The following PNPLA8 variants were observed in gnomAD, a reference collection of about 807,000 sequenced individuals.
PNPLA8 encodes the protein patatin like domain 8, phospholipase A2.
In PNPLA8, 39 loss-of-function variants were observed where a neutral mutation model predicts 76.9. The ratio of observed to expected loss-of-function variants is 0.51; its 90% CI spans 0.39 to 0.66. The LOEUF is 0.66. PNPLA8 is among the 30% of genes least tolerant of loss of function. The pLI is 0.00. For missense variants in PNPLA8, 887 were observed against 918.0 expected, an observed-to-expected ratio of 0.97 and a Z score of 0.44; for synonymous variants, 301 against 307.9, an observed-to-expected ratio of 0.98 and a Z score of 0.24.
chr7:108,474,785 TTA>T (rs1446413961), intron 10 of PNPLA8, among the ~76,000 whole-genome samples: 1 of 152,232 alleles, frequency 6.6e-6, no homozygotes, highest in African/African-American at 2.4e-5. Context: ...TACCATTGAT[TTA>T]TATGTCTATC....
At chr7:108,493,681 A>C (rs1239060873) in intron 7 of PNPLA8, among the ~76,000 whole-genome samples, 4 of 151,370 alleles carry the variant, frequency 2.6e-5, no homozygotes, top group Non-Finnish European at 4.4e-5. Flanking sequence ...GAAAATAAGT[A>C]ACATACAATG....
At chr7:108,497,422 C>T (rs777332505) in intron 6 of PNPLA8, 61 bp downstream of exon 6, 24 of 1,112,580 alleles carry the variant, frequency 2.2e-5, no homozygotes, top group Non-Finnish European at 3.2e-5. Context: ...AACATAAGTG[C>T]TTAATGTTCT....
chr7:108,520,793 CT>C (rs1863679836), intron 2 of PNPLA8, among the ~76,000 whole-genome samples: 1 of 151,950 alleles, frequency 6.6e-6, no homozygotes, highest in African/African-American at 2.4e-5. Flanking sequence ...AGAAAAATAA[CT>C]GTGTGAGGTA....
rs1300376049 is a variant in PNPLA8, at chr7:108,510,699, G to A, written c.1206+3445C>T. 2.5e-6 allele frequency: 4 copies of A among 1,599,916 alleles called. 1 individual carries two copies. Among genetic ancestry groups the A allele is most frequent in the Non-Finnish European group, 3.4e-6 (4 of 1,179,272 alleles). The stretch of plus-strand genomic sequence containing the variant: ...TCAGTAAATGAACTAATCTACAAGA[G>A]TGGTTATGGCAAAATCAATAAGAAG... On this transcript the variant is annotated intron_variant, in intron 4 of 10. Coordinates refer to ENST00000257694, the MANE Select transcript of PNPLA8 (RefSeq NM_001256007.3).
intron 7 of PNPLA8, among the ~76,000 whole-genome samples, chr7:108,491,905 G>GT (rs1224803144): frequency 6.6e-6 from 1 of 152,224 alleles, no homozygotes; most frequent in Non-Finnish European, 1.5e-5. Context: ...GCACGGGCTA[G>GT]TTAGAGTAAC....
chr7:108,502,020 A>G (rs964071290), intron 5 of PNPLA8, among the ~76,000 whole-genome samples: 3 of 152,166 alleles, frequency 2.0e-5, no homozygotes, highest in African/African-American at 7.2e-5. Context: ...AGTATATGTC[A>G]GAGTAGCACT....
chr7:108,485,066 G>A (rs6466240), intron 9 of PNPLA8, among the ~76,000 whole-genome samples: 99,975 of 152,064 alleles, frequency 0.66, 33,625 homozygotes, highest in African/African-American at 0.81. Context: ...AAAAACTTTT[G>A]TGATGTAAAT....
Position 108,515,522 on chromosome 7 carries a change from T to C in PNPLA8, c.-31A>G. 8 of 1,360,850 alleles carry C rather than the reference T, an allele frequency of 5.9e-6. No individual in the cohort carries two copies. The highest frequency in any genetic ancestry group is 7.6e-6 in the Non-Finnish European group (8 of 1,051,392). The allele number at this position is 1,360,850 out of a possible 1,614,324, so 84.3% of individuals were successfully genotyped here. On this transcript the variant is annotated 5_prime_UTR_variant, in exon 3 of 11. Coordinates refer to ENST00000257694, the MANE Select transcript of PNPLA8 (RefSeq NM_001256007.3). Reference sequence around the variant, plus strand: ...AAAAATCATTTATTTTCTATGACATTCTCTCACTTCTTGAACGCTTCATTT... The same window carrying C: ...AAAAATCATTTATTTTCTATGACATCCTCTCACTTCTTGAACGCTTCATTT...
At chr7:108,521,720 T>C (rs1863750184) in intron 1 of PNPLA8, among the ~76,000 whole-genome samples, 199 bp from the exon 2 acceptor site, 1 of 152,032 alleles carries the variant, frequency 6.6e-6, no homozygotes, top group Non-Finnish European at 1.5e-5. Flanking sequence ...GAAAAAAGCA[T>C]TCTAGTCAGA....
chr7:108,504,457 A>T (rs967588274), intron 4 of PNPLA8, among the ~76,000 whole-genome samples: 7 of 152,228 alleles, frequency 4.6e-5, no homozygotes, highest in African/African-American at 1.7e-4. Context: ...GAAAATTTTT[A>T]AAACACAGGA....
At chr7:108,503,413 C>G (rs1486620295) in intron 4 of PNPLA8, among the ~76,000 whole-genome samples, 1 of 152,128 alleles carries the variant, frequency 6.6e-6, no homozygotes, top group African/African-American at 2.4e-5. Context: ...CATTTTGTTT[C>G]TTTTTTATGA....
Position 108,514,710 on chromosome 7 carries a change from T to A in PNPLA8, c.782A>T (p.Glu261Val). ...AGGCTTGTCCACCGTATGTACAGATTCTGAGCCTGGCTTATAAGCCAGGAT... is the reference window on the plus strand; with the variant it reads ...AGGCTTGTCCACCGTATGTACAGATACTGAGCCTGGCTTATAAGCCAGGAT... ...PGILAYKPGS[E>V]SVHTVDKPTS... is the part of the protein sequence containing the mutation. The change falls in exon 3 of 11, where the codon GAA becomes GTA. Residue 261 changes from glutamate (E) to valine (V), a missense_variant. Coordinates refer to ENST00000257694, the MANE Select transcript of PNPLA8 (RefSeq NM_001256007.3). The A allele has an allele frequency of 6.2e-7, 1 of 1,614,030 alleles. No individual in the cohort carries two copies. Among genetic ancestry groups the A allele is most frequent in the Non-Finnish European group, 8.5e-7 (1 of 1,179,912 alleles).
In PNPLA8 at chr7:108,476,164, A is replaced by T. The variant is rs552931059; in HGVS notation, c.2074+3020T>A. 3.3e-5 allele frequency among the ~76,000 whole-genome samples: 5 copies of T among 152,334 alleles called. No individual in the cohort carries two copies. In the East Asian group the frequency reaches 9.6e-4, roughly 29 times the overall value. On this transcript the variant is annotated intron_variant, in intron 10 of 10. Transcript: ENST00000257694. ...GGGCCAACAGCAATGTTGTTGTTAT[A>T]TCTTATAACAGCAATTCTTGTTATA...
intron 7 of PNPLA8, among the ~76,000 whole-genome samples, chr7:108,492,522 C>A (rs40844): frequency 0.4 from 60,752 of 151,818 alleles, 12,679 homozygotes; most frequent in African/African-American, 0.48. Flanking sequence ...TCTTGGTTTT[C>A]TCAAAACCTA....
At position 108,471,773 on chromosome 7, in the gene PNPLA8, ACTGGAACTT is replaced by A. The variant is rs1331206449; in HGVS notation, c.*619_*627del. 2.0e-5 allele frequency: 3 copies of A among 152,216 alleles called. No individual in the cohort carries two copies. Among genetic ancestry groups the A allele is most frequent in the African/African-American group, 7.2e-5 (3 of 41,452 alleles). The allele number at this position is 152,216 out of a possible 1,614,324, so 9.4% of individuals were successfully genotyped here. A position where few individuals can be genotyped will look rare whatever the true frequency, so the allele number is the denominator to read the frequency against. ...AAATTTCAGGGGTAAAAAGTGGTTG[ACTGGAACTT>A]CACCTTTTTTAACCAAACAATGTTA... On this transcript the variant is annotated 3_prime_UTR_variant, in exon 11 of 11. Coordinates refer to ENST00000257694, the MANE Select transcript of PNPLA8 (RefSeq NM_001256007.3).
In PNPLA8 at chr7:108,478,262, G is replaced by C. The variant is rs80187966; in HGVS notation, c.2074+922C>G. Among the ~76,000 whole-genome samples the C allele has an allele frequency of 9.5e-3, 1,449 of 152,270 alleles. 11 individuals are homozygous for C. The highest frequency in any genetic ancestry group is 0.027 in the Middle Eastern group (8 of 294). On this transcript the variant is annotated intron_variant, in intron 10 of 10. Coordinates refer to ENST00000257694, the MANE Select transcript of PNPLA8 (RefSeq NM_001256007.3). ...ATAGAGAGAGAGTACAGCAACTGCA[G>C]AGGCCCTGAGGCAGGAGAGTTCTTA...
In PNPLA8 at chr7:108,502,487, T is replaced by G. The variant is rs1414413632; in HGVS notation, c.1358+4A>C. 7.7e-7 allele frequency: 1 copy of G among 1,304,324 alleles called. No homozygotes were observed. Among genetic ancestry groups the G allele is most frequent in the Non-Finnish European group, 1.1e-6 (1 of 911,954 alleles). 80.8% of individuals were successfully genotyped at this position (1,304,324 alleles called of 1,614,324 possible). A position where few individuals can be genotyped will look rare whatever the true frequency, so the allele number is the denominator to read the frequency against. On this transcript the variant is annotated splice_donor_region_variant and intron_variant, in intron 5 of 10. Coordinates refer to ENST00000257694, the MANE Select transcript of PNPLA8 (RefSeq NM_001256007.3). ...AAAAAAAAGAATCATGTTCCTAGCC[T>G]TACCTTGTTCCTCCACCATCAATTG...
In PNPLA8 at chr7:108,491,394, G is replaced by A. The variant is rs180712890; in HGVS notation, c.1683+16C>T. The A allele has an allele frequency of 2.5e-4, 386 of 1,536,564 alleles. 1 individual carries two copies. In the African/African-American group the frequency reaches 4.8e-3, roughly 19 times the overall value. On this transcript the variant is annotated intron_variant, in intron 8 of 10. Coordinates refer to ENST00000257694, the MANE Select transcript of PNPLA8 (RefSeq NM_001256007.3). ...AGATGGAACTAGGTGTTATATTTAA[G>A]AGACTCTAAGCTTACCTTAGGACAT...
At chr7:108,525,071 G>T (rs40895) in intron 1 of PNPLA8, among the ~76,000 whole-genome samples, 3,420 of 152,012 alleles carry the variant, frequency 0.022, 136 homozygotes, top group African/African-American at 0.078. Flanking sequence ...ATTTAGTCCT[G>T]ATATAGAAAT....
Sources: gnomAD v4.1 joint callset for allele counts (sites outside exome capture counted in the v4.1 genomes callset) on GRCh38, gnomAD v4.1.1 for gene constraint, MANE v1.5 for transcripts, NCBI Gene and HGNC (gene_info 2026-07-23, HGNC 2026-07-21) for gene names.